CFAP58: variants seen among roughly 807,000 people sequenced by gnomAD.
The protein encoded by CFAP58 is cilia- and flagella-associated protein 58.
Under a neutral mutation model 119.5 loss-of-function variants are expected in CFAP58, and 88 were observed. The ratio of observed to expected loss-of-function variants is 0.74; its 90% confidence interval spans 0.62 to 0.88. CFAP58 has a LOEUF of 0.88. CFAP58 is among the 40% of genes least tolerant of loss of function. The pLI is 0.00. For missense variants in CFAP58, 990 were observed against 1,021.2 expected, an observed-to-expected ratio of 0.97 and a Z score of 0.42; for synonymous variants, 365 against 366.3, an observed-to-expected ratio of 1.00 and a Z score of 0.04.
intron 15 of CFAP58, among the ~76,000 whole-genome samples, chr10:104,442,752 A>G (rs543113236): frequency 1.3e-5 from 2 of 152,240 alleles, no homozygotes; most frequent in African/African-American, 2.4e-5. Context: ...GAAAACCTCT[A>G]CAAATATTGA....
At chr10:104,382,925 A>G (rs903399055) in intron 9 of CFAP58, among the ~76,000 whole-genome samples, 1 of 152,232 alleles carries the variant, frequency 6.6e-6, no homozygotes, top group Admixed American at 6.5e-5. Flanking sequence ...TGTCAGTGGC[A>G]CATGGGAATA....
At chr10:104,395,773 C>T (rs1349590031) in intron 11 of CFAP58, among the ~76,000 whole-genome samples, 2 of 152,148 alleles carry the variant, frequency 1.3e-5, no homozygotes, top group Non-Finnish European at 2.9e-5. Context: ...CTCATTATTG[C>T]GAGTTGTACG....
intron 15 of CFAP58, among the ~76,000 whole-genome samples, chr10:104,438,664 C>T (rs566250751): frequency 9.1e-4 from 138 of 152,076 alleles, no homozygotes; most frequent in African/African-American, 3.2e-3. Context: ...CGTGAGCCAC[C>T]GCGCCCGGCC....
At chr10:104,418,385 A>G (rs2012588435) in intron 15 of CFAP58, among the ~76,000 whole-genome samples, 1 of 152,116 alleles carries the variant, frequency 6.6e-6, no homozygotes, top group African/African-American at 2.4e-5. Flanking sequence ...CATCTCTACT[A>G]AAAATACAAA....
intron 2 of CFAP58, among the ~76,000 whole-genome samples, chr10:104,359,941 CATTT>C (rs1269259056): frequency 3.3e-5 from 5 of 152,174 alleles, no homozygotes; most frequent in African/African-American, 9.7e-5. Flanking sequence ...AAATATCTTT[CATTT>C]GTTTTGCTAA....
rs1282743764 is a variant in CFAP58, at chr10:104,450,154, G to A, written c.2460G>A (p.Gln820=). ...TAGAGAAACTTACCAATGAGCTCCAGAATTTAAAGAAGAAATACCTCGCTC... is the reference window on the plus strand; with the variant it reads ...TAGAGAAACTTACCAATGAGCTCCAAAATTTAAAGAAGAAATACCTCGCTC... ...YEVEKLTNEL[Q]NLKKKYLAQK... Residue 820 remains glutamine (Q), a synonymous_variant, in exon 17 of 18, where the codon CAG becomes CAA. Transcript: ENST00000369704. 1 of 1,613,574 alleles carries A rather than the reference G, an allele frequency of 6.2e-7. No individual in the cohort carries two copies. The highest frequency in any genetic ancestry group is 2.2e-5 in the East Asian group (1 of 44,858).
At chr10:104,383,651 CAG>C (rs2011862275) in intron 9 of CFAP58, among the ~76,000 whole-genome samples, 1 of 152,130 alleles carries the variant, frequency 6.6e-6, no homozygotes, top group African/African-American at 2.4e-5. Context: ...TAACCCCTGA[CAG>C]CATGTATCAG....
chr10:104,422,170 T>C (rs933024264), intron 15 of CFAP58, among the ~76,000 whole-genome samples: 1 of 152,122 alleles, frequency 6.6e-6, no homozygotes, highest in African/African-American at 2.4e-5. Flanking sequence ...TGAGACTCCA[T>C]CTCAAAACAT....
At position 104,364,772 on chromosome 10, in the gene CFAP58, G is replaced by T. The variant is rs1251604593; in HGVS notation, c.480G>T (p.Lys160Asn). 2.5e-6 allele frequency: 4 copies of T among 1,612,690 alleles called. No individual in the cohort carries two copies. Among genetic ancestry groups the T allele is most frequent in the Non-Finnish European group, 3.4e-6 (4 of 1,179,486 alleles). ...TGAGGTTCAAAGAAGAAGTGACAAA[G>T]GAGAGAGACCAGCTCTTATCAGAAG... ...DLLRFKEEVT[K>N]ERDQLLSEVV... Residue 160 changes from lysine to asparagine, a missense_variant, in exon 4 of 18, where the codon AAG (lysine) becomes AAT (asparagine). Lys to Asn is a moderately conservative substitution (Grantham distance 94, BLOSUM62 0). Coordinates refer to ENST00000369704, the MANE Select transcript of CFAP58 (RefSeq NM_001008723.2).
chr10:104,417,004 T>C (rs769807702), intron 15 of CFAP58, among the ~76,000 whole-genome samples: 2 of 152,224 alleles, frequency 1.3e-5, no homozygotes, highest in Non-Finnish European at 2.9e-5. Flanking sequence ...GGCACTGGCA[T>C]CTCTGAGAGC....
chr10:104,440,199 A>T (rs1044503589), intron 15 of CFAP58, among the ~76,000 whole-genome samples: 4 of 147,906 alleles, frequency 2.7e-5, no homozygotes, highest in African/African-American at 1.0e-4. Context: ...GTCTCCAGAG[A>T]TGACTGCTCT....
In CFAP58 at chr10:104,414,224, A is replaced by G. The variant is rs571411051; in HGVS notation, c.2256+7431A>G. Among the ~76,000 whole-genome samples the G allele has an allele frequency of 1.2e-4, 18 of 152,310 alleles. 1 individual carries two copies. In the South Asian group the frequency reaches 3.7e-3, roughly 32 times the overall value. ...AAATGCAGATTTTTATGTTCAATAT[A>G]CTGAATTTTAAACATTGACAGTCTT... On this transcript the variant is annotated intron_variant, in intron 15 of 17. Transcript: ENST00000369704.
chr10:104,406,936 C>G, intron 15 of CFAP58, 143 bp downstream of exon 15: 2 of 622,548 alleles, frequency 3.2e-6, no homozygotes, highest in Non-Finnish European at 5.6e-6. Flanking sequence ...ACATAAAGAA[C>G]AAGCACAGCC....
At chr10:104,449,706 T>A (rs530178981) in intron 16 of CFAP58, among the ~76,000 whole-genome samples, 1 of 152,364 alleles carries the variant, frequency 6.6e-6, no homozygotes, top group South Asian at 2.1e-4. Flanking sequence ...TTTTCTTTTT[T>A]TTTAAGGCTT....
At chr10:104,386,492 T>C (rs1232301204) in intron 9 of CFAP58, among the ~76,000 whole-genome samples, 1 of 152,182 alleles carries the variant, frequency 6.6e-6, no homozygotes, top group African/African-American at 2.4e-5. Flanking sequence ...TTGCCTTTCT[T>C]TCAGGGACCA....
rs117225345 is a variant in CFAP58 at position 104,394,186 on chromosome 10, A to T, written c.1674+711A>T. On this transcript the variant is annotated intron_variant, in intron 11 of 17. Coordinates refer to ENST00000369704, the MANE Select transcript of CFAP58 (RefSeq NM_001008723.2). The stretch of plus-strand genomic sequence containing the variant: ...TTATGCCATTTTAAATCCTCTAACC[A>T]AATATGTTTCACTATACACACCACT... Among the ~76,000 whole-genome samples, 3 of 152,306 alleles carry T rather than the reference A, an allele frequency of 2.0e-5. No individual in the cohort carries two copies. In the South Asian group the frequency reaches 6.2e-4, roughly 32 times the overall value.
chr10:104,359,324 C>T (rs1372349003), intron 2 of CFAP58, among the ~76,000 whole-genome samples: 1 of 152,010 alleles, frequency 6.6e-6, no homozygotes, highest in Non-Finnish European at 1.5e-5. Flanking sequence ...AATTAGATAC[C>T]ATCCAGTTCA....
chr10:104,362,142 G>A lies in CFAP58; in HGVS notation c.411G>A (p.Gly137=), dbSNP rs771477050. Residue 137 remains glycine (G), a synonymous_variant, in exon 3 of 18, where the codon GGG becomes GGA. Transcript: ENST00000369704. ...ACCTGACCAAACTAGTGGAGCAGGG[G>A]TCTGGACTGTCAATGGACCAGCATA... ...IVNLTKLVEQ[G]SGLSMDQHSN... The A allele has an allele frequency of 2.5e-6, 4 of 1,613,796 alleles. No homozygotes were observed. Among genetic ancestry groups the A allele is most frequent in the Non-Finnish European group, 3.4e-6 (4 of 1,179,898 alleles).
chr10:104,454,817 T>C lies in CFAP58; in HGVS notation c.*287T>C. ...TTGAAATGTACTAGACCTTAATTTC[T>C]TTATTACAGACATTGGTGTACTTGA... On this transcript the variant is annotated 3_prime_UTR_variant, in exon 18 of 18. Transcript: ENST00000369704. 1 of 290,246 alleles carries C rather than the reference T, an allele frequency of 3.4e-6. No homozygotes were observed. Among genetic ancestry groups the C allele is most frequent in the Middle Eastern group, 9.7e-4 (1 of 1,036 alleles). 18.0% of individuals were successfully genotyped at this position (290,246 alleles called of 1,614,324 possible). A position where few individuals can be genotyped will look rare whatever the true frequency, so the allele number is the denominator to read the frequency against.
Sources: allele counts gnomAD v4.1 joint callset (sites outside exome capture counted in the v4.1 genomes callset), GRCh38; gene constraint gnomAD v4.1.1; transcripts MANE v1.5; gene names NCBI Gene and HGNC (gene_info 2026-07-23, HGNC 2026-07-21).